STARD13: variants seen among roughly 807,000 people sequenced by gnomAD.
STARD13 encodes the protein stAR-related lipid transfer protein 13.
Under a neutral mutation model 106.4 loss-of-function variants are expected in STARD13, and 62 were observed. That is an observed-to-expected ratio of 0.58 (90% CI 0.48 to 0.72). The LOEUF (loss-of-function observed/expected upper bound fraction) is 0.72. Ranked by LOEUF, STARD13 falls within the 30% of genes least tolerant of loss-of-function variation. The pLI is 0.00. For missense variants in STARD13, 1,387 were observed against 1,424.0 expected (o/e 0.97, Z 0.42); for synonymous variants, 565 against 553.0 (o/e 1.02, Z -0.31).
the STARD13 span, among the ~76,000 whole-genome samples, chr13:33,357,573 CAA>C: frequency 3.3e-5 from 5 of 152,246 alleles, no homozygotes; most frequent in East Asian, 9.7e-4. Context: ...AAAAACAAAA[CAA>C]AACAGGCAGG....
intron 1 of STARD13, among the ~76,000 whole-genome samples, chr13:33,218,925 T>TACCTG (rs1594122067): frequency 6.6e-6 from 1 of 152,160 alleles, no homozygotes; most frequent in East Asian, 1.9e-4. Context: ...AAACAGAGAA[T>TACCTG]ACCTGTAAGA....
At chr13:33,199,248 A>G (rs1886847210) in intron 1 of STARD13, among the ~76,000 whole-genome samples, 1 of 152,230 alleles carries the variant, frequency 6.6e-6, no homozygotes, top group South Asian at 2.1e-4. Flanking sequence ...TACAACAAAA[A>G]TCATTCTTTC....
upstream of STARD13, among the ~76,000 whole-genome samples, chr13:33,287,696 G>GTGCT (rs1281702758): frequency 6.6e-6 from 1 of 152,184 alleles, no homozygotes; most frequent in Admixed American, 6.5e-5. Context: ...TCCAATTAAG[G>GTGCT]TGCTTGCATC....
chr13:33,537,620 T>C, the STARD13 span, among the ~76,000 whole-genome samples: 1 of 152,114 alleles, frequency 6.6e-6, no homozygotes, highest in Non-Finnish European at 1.5e-5. Context: ...AATTATTCCT[T>C]GAAATTACGG....
the STARD13 span, among the ~76,000 whole-genome samples, chr13:33,553,140 G>A: frequency 6.6e-6 from 1 of 151,946 alleles, no homozygotes; most frequent in Non-Finnish European, 1.5e-5. Context: ...ATAAAGAGTT[G>A]CATTTGATCT....
intron 3 of STARD13, among the ~76,000 whole-genome samples, chr13:33,153,534 G>A (rs1284518508): frequency 1.3e-5 from 2 of 152,182 alleles, no homozygotes; most frequent in African/African-American, 4.8e-5. Context: ...GCTGGGAGGT[G>A]CCCGGGCCCA....
At chr13:33,549,072 C>A in the STARD13 span, among the ~76,000 whole-genome samples, 1 of 151,774 alleles carries the variant, frequency 6.6e-6, no homozygotes, top group Non-Finnish European at 1.5e-5. Flanking sequence ...CAAATAAGTT[C>A]GAGAAAATGT....
At chr13:33,542,027 T>C in the STARD13 span, among the ~76,000 whole-genome samples, 2 of 150,794 alleles carry the variant, frequency 1.3e-5, no homozygotes, top group Non-Finnish European at 2.9e-5. Context: ...ACACAGAATA[T>C]AAAACTGTGT....
chr13:33,377,568 G>A, the STARD13 span, among the ~76,000 whole-genome samples: 1 of 151,992 alleles, frequency 6.6e-6, no homozygotes, highest in Non-Finnish European at 1.5e-5. Flanking sequence ...TCTTAGCAGA[G>A]CATTTAAATT....
At chr13:33,405,624 A>G in the STARD13 span, among the ~76,000 whole-genome samples, 21 of 152,370 alleles carry the variant, frequency 1.4e-4, no homozygotes, top group African/African-American at 4.8e-4. Context: ...GAAAATTAAC[A>G]TAAGTGTTAA....
At chr13:33,360,045 C>T in the STARD13 span, among the ~76,000 whole-genome samples, 1 of 152,220 alleles carries the variant, frequency 6.6e-6, no homozygotes, top group Non-Finnish European at 1.5e-5. Context: ...TATGAGGACA[C>T]AGACTGGGTT....
chr13:33,169,055 T>C (rs1326637110), intron 1 of STARD13, among the ~76,000 whole-genome samples: 3 of 152,202 alleles, frequency 2.0e-5, no homozygotes, highest in Non-Finnish European at 4.4e-5. Flanking sequence ...ATTTGTCTCT[T>C]GTGTGAGGGT....
At chr13:33,551,568 CCTTTTTTTTTTTT>C in the STARD13 span, among the ~76,000 whole-genome samples, 8 of 44,786 alleles carry the variant, frequency 1.8e-4, 2 homozygotes, top group East Asian at 1.8e-3. Context: ...TTTGCTTTTC[CCTTTTTTTTTTTT>C]TTTTTTTTTT....
At chr13:33,381,030 CACTG>C in the STARD13 span, among the ~76,000 whole-genome samples, 1 of 152,166 alleles carries the variant, frequency 6.6e-6, no homozygotes, top group Non-Finnish European at 1.5e-5. Flanking sequence ...GCAAAAATAT[CACTG>C]ACTGACTTTT....
chr13:33,234,433 G>A (rs937271420), intron 1 of STARD13, among the ~76,000 whole-genome samples: 2 of 152,050 alleles, frequency 1.3e-5, no homozygotes, highest in South Asian at 4.1e-4. Flanking sequence ...TCCACTCATG[G>A]GCTCTCTCAA....
the STARD13 span, among the ~76,000 whole-genome samples, chr13:33,386,745 G>A: frequency 2.0e-5 from 3 of 151,912 alleles, no homozygotes; most frequent in Admixed American, 1.3e-4. Flanking sequence ...GAAAATATAC[G>A]CCAAGTTCTC....
At chr13:33,523,380 T>A in the STARD13 span, among the ~76,000 whole-genome samples, 1,267 of 152,268 alleles carry the variant, frequency 8.3e-3, 19 homozygotes, top group African/African-American at 0.029. Context: ...ATTTTTAAAG[T>A]TTCTCTTGTT....
the STARD13 span, among the ~76,000 whole-genome samples, chr13:33,465,201 CTTTTTTTTTT>C: frequency 4.9e-5 from 3 of 60,644 alleles, no homozygotes; most frequent in African/African-American, 1.5e-4. Flanking sequence ...TGGTCTTCTT[CTTTTTTTTTT>C]TTTTTTTTTT....
Position 33,105,335 on chromosome 13 carries a change from C to T in STARD13, c.*258G>A, listed in dbSNP as rs554815180. 2.3e-6 allele frequency: 1 copy of T among 427,082 alleles called. No individual in the cohort carries two copies. The highest frequency in any genetic ancestry group is 4.2e-6 in the Non-Finnish European group (1 of 236,900). 26.5% of individuals were successfully genotyped at this position (427,082 alleles called of 1,614,324 possible). On this transcript the variant is annotated 3_prime_UTR_variant, in exon 14 of 14. Transcript: ENST00000336934. ...AATTAGGCAATGCACAAGGAATAGTCCATTTAATTTTAAGTAATATATATA... is the reference window on the plus strand; with the variant it reads ...AATTAGGCAATGCACAAGGAATAGTTCATTTAATTTTAAGTAATATATATA...
Sources: gnomAD v4.1 joint callset for allele counts (sites outside exome capture counted in the v4.1 genomes callset) on GRCh38, gnomAD v4.1.1 for gene constraint, MANE v1.5 for transcripts, NCBI Gene and HGNC (gene_info 2026-07-23, HGNC 2026-07-21) for gene names.